ZNF276: variants seen among roughly 807,000 people sequenced by gnomAD.
ZNF276 encodes centromere protein Z.
Under a neutral mutation model 63.9 loss-of-function variants are expected in ZNF276, and 59 were observed. The observed-to-expected ratio is 0.92, with a 90% CI of 0.75 to 1.15. The LOEUF (loss-of-function observed/expected upper bound fraction) is 1.15. Among genes scored for constraint, ZNF276 ranks in the 50% most tolerant of loss-of-function variants. The probability of loss-of-function intolerance (pLI) is 0.00; values close to 1 mark genes in which losing one functional copy is unlikely to be tolerated. For missense variants in ZNF276, 1,084 were observed against 843.8 expected, an observed-to-expected ratio of 1.28 and a Z score of -3.53; for synonymous variants, 496 against 348.4, an observed-to-expected ratio of 1.42 and a Z score of -4.72.
chr16:89,722,481 C>T lies in ZNF276; in HGVS notation c.206-50C>T. On this transcript the variant is annotated intron_variant, in intron 1 of 10. Transcript: ENST00000443381. ...GACCTGGAGTCCGGGACGCCCTGTG[C>T]TCAGGAGCCTCCTTTGCCAGCTGCT... 3 of 1,559,172 alleles carry T rather than the reference C, an allele frequency of 1.9e-6. No individual in the cohort carries two copies. In the South Asian group the frequency reaches 3.6e-5, roughly 19 times the overall value.
chr16:89,736,881 G>T (rs1467785743), intron 9 of ZNF276, among the ~76,000 whole-genome samples: 2 of 151,210 alleles, frequency 1.3e-5, no homozygotes, highest in Non-Finnish European at 2.9e-5. Flanking sequence ...CTCCAGCCTG[G>T]GCAACAGAGC....
At position 89,740,636 on chromosome 16, in the gene ZNF276, CAAAA is replaced by C. The variant is rs371709074; in HGVS notation, c.*2405_*2408del. On this transcript the variant is annotated 3_prime_UTR_variant, in exon 11 of 11. Transcript: ENST00000443381. ...GGGTGACAGAGTGAGACCCCCATCTCAAAAAAAAAAAAAAAAAACCCACGGCCTG... is the reference window on the plus strand; with the variant it reads ...GGGTGACAGAGTGAGACCCCCATCTCAAAAAAAAAAAAAACCCACGGCCTG... 4.6e-4 allele frequency: 210 copies of C among 460,122 alleles called. No homozygotes were observed. The highest frequency in any genetic ancestry group is 7.4e-4 in the South Asian group (33 of 44,748). 28.5% of individuals were successfully genotyped at this position (460,122 alleles called of 1,614,324 possible).
At chr16:89,722,891 T>G in intron 2 of ZNF276, 57 bp downstream of exon 2, 1 of 1,570,608 alleles carries the variant, frequency 6.4e-7, no homozygotes, top group Non-Finnish European at 8.6e-7. Context: ...GTGTGACGGG[T>G]GTTGAGAGAG....
At chr16:89,720,531 G>A, upstream of ZNF276, 1 of 1,162,286 alleles carries the variant, frequency 8.6e-7, no homozygotes, top group Non-Finnish European at 1.1e-6. Context: ...TGATGCACCG[G>A]CTCAGCGAGC....
rs2061376965 is a variant in ZNF276 at position 89,723,654 on chromosome 16, G to A, written c.951G>A (p.Val317=). ...VAQPPSDSDA[V]GPRSGFPPQP... is the part of the protein sequence containing the mutation. ...AGCCTCCTTCGGACAGCGACGCGGT[G>A]GGGCCCAGGTCGGGCTTCCCACCTC... The change falls in exon 4 of 11, where the codon GTG becomes GTA. Residue 317 remains valine (V), a synonymous_variant. Coordinates refer to ENST00000443381, the MANE Select transcript of ZNF276 (RefSeq NM_001113525.2). 1.2e-6 allele frequency: 2 copies of A among 1,612,422 alleles called. No individual in the cohort carries two copies. Among genetic ancestry groups the A allele is most frequent in the Admixed American group, 3.3e-5 (2 of 59,996 alleles).
rs774613138 is a variant in ZNF276, at chr16:89,723,157, CAG to C, written c.531_532del (p.Ala179ArgfsTer110). 1.9e-6 allele frequency: 3 copies of C among 1,613,256 alleles called. No individual in the cohort carries two copies. Among genetic ancestry groups the C allele is most frequent in the Non-Finnish European group, 1.7e-6 (2 of 1,180,034 alleles). Reference sequence around the variant, plus strand: ...TGCAGGGTCGGTGCCCAGCCCCCAACAGGGGCAGAGGAGGGAGCGTGTCTGGG... The same window carrying C: ...TGCAGGGTCGGTGCCCAGCCCCCAACGGGCAGAGGAGGGAGCGTGTCTGGG... On this transcript the variant is annotated frameshift_variant, in exon 3 of 11. Transcript: ENST00000443381. LOFTEE classifies it high-confidence loss of function.
chr16:89,724,840 A>T (rs968237570), intron 4 of ZNF276, among the ~76,000 whole-genome samples: 1 of 145,462 alleles, frequency 6.9e-6, no homozygotes, highest in Non-Finnish European at 1.6e-5. Context: ...CTACCTATCT[A>T]TCTTCCTACT....
At position 89,721,732 on chromosome 16, in the gene ZNF276, G is replaced by T; in HGVS notation, c.92G>T (p.Arg31Leu). Residue 31 changes from arginine to leucine, a missense_variant, in exon 1 of 11, where the codon CGG becomes CTG. Transcript: ENST00000443381. ...GGCGGCGGCGGCGTCAGCCGGACTC[G>T]GGGCCGCCCTTCCCTTAGCGGTGGG... ...SDGGGGVSRT[R>L]GRPSLSGGPR... 7.4e-7 allele frequency: 1 copy of T among 1,347,172 alleles called. No homozygotes were observed. The highest frequency in any genetic ancestry group is 1.8e-5 in the South Asian group (1 of 57,120). 83.5% of individuals were successfully genotyped at this position (1,347,172 alleles called of 1,614,324 possible). A position where few individuals can be genotyped will look rare whatever the true frequency, so the allele number is the denominator to read the frequency against.
In ZNF276 at chr16:89,737,922, A is replaced by G. The variant is rs17233833; in HGVS notation, c.1574+17A>G. On this transcript the variant is annotated intron_variant, in intron 10 of 10. Coordinates refer to ENST00000443381, the MANE Select transcript of ZNF276 (RefSeq NM_001113525.2). Reference sequence around the variant, plus strand: ...GCCTTTGCAGTAAGTGTGAGTCAGGACCCCCTCCCAGGGCTGTGGCCCTCG... The same window carrying G: ...GCCTTTGCAGTAAGTGTGAGTCAGGGCCCCCTCCCAGGGCTGTGGCCCTCG... 2 of 1,556,098 alleles carry G rather than the reference A, an allele frequency of 1.3e-6. No individual in the cohort carries two copies. Among genetic ancestry groups the G allele is most frequent in the East Asian group, 2.5e-5 (1 of 40,006 alleles).
chr16:89,737,039 T>C (rs1236690839), intron 9 of ZNF276, among the ~76,000 whole-genome samples: 1 of 152,164 alleles, frequency 6.6e-6, no homozygotes, highest in Non-Finnish European at 1.5e-5. Flanking sequence ...CATGTCCACA[T>C]GTGGCATTTG....
intron 9 of ZNF276, among the ~76,000 whole-genome samples, chr16:89,737,382 G>A (rs1041010375): frequency 9.9e-5 from 15 of 150,984 alleles, no homozygotes; most frequent in African/African-American, 1.9e-4. Context: ...TCAGCTGGGC[G>A]TGGTGGGGGG....
Position 89,721,676 on chromosome 16 carries a change from T to C in ZNF276, c.36T>C (p.Pro12=), listed in dbSNP as rs761697456. 8 of 1,439,548 alleles carry C rather than the reference T, an allele frequency of 5.6e-6. No homozygotes were observed. The South Asian group carries it at 8.1e-5, about 15-fold the overall frequency. The allele number at this position is 1,439,548 out of a possible 1,614,324, so 89.2% of individuals were successfully genotyped here. A position where few individuals can be genotyped will look rare whatever the true frequency, so the allele number is the denominator to read the frequency against. The change falls in exon 1 of 11, where the codon CCT becomes CCC. Residue 12 remains proline (P), a synonymous_variant. Transcript: ENST00000443381. ...KRDRLGRFLS[P]GSSRQCGASD... ...ACCGGCTGGGCCGCTTCCTGTCTCC[T>C]GGGTCGTCCCGACAGTGCGGGGCCT...
intron 4 of ZNF276, among the ~76,000 whole-genome samples, chr16:89,724,681 G>C (rs542350062): frequency 6.6e-6 from 1 of 152,310 alleles, no homozygotes; most frequent in South Asian, 2.1e-4. Flanking sequence ...AGTTTAGCTA[G>C]ATACGGGTGC....
intron 9 of ZNF276, chr16:89,737,548 G>T: frequency 1.9e-6 from 1 of 535,452 alleles, no homozygotes; most frequent in Non-Finnish European, 3.1e-6. Context: ...AGAATCTGTG[G>T]TTAAGGAAAT....
chr16:89,737,899 C>T lies in ZNF276; in HGVS notation c.1568C>T (p.Pro523Leu). Reference sequence around the variant, plus strand: ...CAAATGCGACATTCGGGAGCCAAGCCTTTGCAGTAAGTGTGAGTCAGGACC... The same window carrying T: ...CAAATGCGACATTCGGGAGCCAAGCTTTTGCAGTAAGTGTGAGTCAGGACC... ...VHQMRHSGAK[P>L]LQCEVCGFQC... Residue 523 changes from proline (P) to leucine (L), a missense_variant, in exon 10 of 11, where the codon CCT becomes CTT. Pro to Leu is a moderately conservative substitution (Grantham distance 98). Transcript: ENST00000443381. 1 of 1,607,078 alleles carries T rather than the reference C, an allele frequency of 6.2e-7. No individual in the cohort carries two copies. The highest frequency in any genetic ancestry group is 8.5e-7 in the Non-Finnish European group (1 of 1,179,226).
intron 6 of ZNF276, chr16:89,732,199 C>T (rs939941940): frequency 6.6e-6 from 1 of 152,280 alleles, no homozygotes; most frequent in Non-Finnish European, 1.5e-5. Context: ...ACACTGGAAG[C>T]TGCTGCATTT....
chr16:89,733,895 G>A (rs765851929), intron 8 of ZNF276, 26 bp from the exon 9 acceptor site: 43 of 1,607,718 alleles, frequency 2.7e-5, no homozygotes, highest in Non-Finnish European at 3.7e-5. Flanking sequence ...CGGCTCTGAG[G>A]GTCTCTCACC....
chr16:89,721,896 C>G (rs917691560), intron 1 of ZNF276, 51 bp downstream of exon 1: 52 of 1,152,276 alleles, frequency 4.5e-5, no homozygotes, highest in African/African-American at 3.9e-4. Context: ...AGGGGTTGCT[C>G]GTGGGAGGAG....
upstream of ZNF276, chr16:89,720,737 C>G (rs1034225964): frequency 4.9e-6 from 7 of 1,426,600 alleles, no homozygotes; most frequent in African/African-American, 1.0e-4. Flanking sequence ...CCTCAGCGGC[C>G]AAGCCCCGCC....
Sources: allele counts gnomAD v4.1 joint callset (sites outside exome capture counted in the v4.1 genomes callset), GRCh38; gene constraint gnomAD v4.1.1; transcripts MANE v1.5; gene names NCBI Gene and HGNC (gene_info 2026-07-23, HGNC 2026-07-21).